Variants in TOX observed in about 807,000 individuals in gnomAD.
TOX encodes the protein thymocyte selection-associated high mobility group box protein TOX.
Under a neutral mutation model 53.7 loss-of-function variants are expected in TOX, and 11 were observed. The observed-to-expected ratio is 0.20, with a 90% CI of 0.13 to 0.34. The LOEUF is 0.34. Among genes scored for constraint, TOX ranks in the 10% least tolerant of loss-of-function variants. TOX has a pLI of 1.00. For missense variants in TOX, 570 were observed against 664.6 expected (o/e 0.86, Z 1.56); for synonymous variants, 225 against 245.3 (o/e 0.92, Z 0.77).
Position 58,956,993 on chromosome 8 carries a change from G to A in TOX, c.168+2950C>T, listed in dbSNP as rs531502329. 3.3e-5 allele frequency among the ~76,000 whole-genome samples: 5 copies of A among 152,296 alleles called. No homozygotes were observed. In the South Asian group the frequency reaches 1.0e-3, roughly 32 times the overall value. ...TGTTCATCCTACATATCACTACTTTGTATCCTTCTGGTCTAGATATTGTCA... is the reference window on the plus strand; with the variant it reads ...TGTTCATCCTACATATCACTACTTTATATCCTTCTGGTCTAGATATTGTCA... On this transcript the variant is annotated intron_variant, in intron 2 of 8. Transcript: ENST00000361421.
At chr8:59,110,975 A>C (rs1755449144) in intron 1 of TOX, among the ~76,000 whole-genome samples, 1 of 152,170 alleles carries the variant, frequency 6.6e-6, no homozygotes, top group Admixed American at 6.5e-5. Context: ...ATCTTTCACC[A>C]CAAGATTTGA....
Position 58,849,965 on chromosome 8 carries a change from A to G in TOX, c.693+1559T>C, listed in dbSNP as rs1315571613. Among the ~76,000 whole-genome samples the G allele has an allele frequency of 2.0e-5, 3 of 152,182 alleles. No individual in the cohort carries two copies. The East Asian group carries it at 5.8e-4, about 29-fold the overall frequency. ...TAACAGCCAATGAGTACCTGGAGCC[A>G]TTGGAATAACCTGTATTTTCTGAAG... is the stretch of plus-strand genomic sequence containing the variant. On this transcript the variant is annotated intron_variant, in intron 4 of 8. Transcript: ENST00000361421.
intron 3 of TOX, among the ~76,000 whole-genome samples, chr8:58,892,501 G>A (rs1397402934): frequency 1.3e-5 from 2 of 152,150 alleles, no homozygotes; most frequent in African/African-American, 4.8e-5. Flanking sequence ...TTGTATGAAG[G>A]ATGTTACCAA....
At chr8:59,023,660 C>T (rs991145713) in intron 1 of TOX, among the ~76,000 whole-genome samples, 2 of 152,122 alleles carry the variant, frequency 1.3e-5, no homozygotes, top group African/African-American at 4.8e-5. Context: ...AAATGCCAAC[C>T]CAACTTATTT....
chr8:58,921,763 T>C (rs1812080187), intron 3 of TOX, among the ~76,000 whole-genome samples: 1 of 152,256 alleles, frequency 6.6e-6, no homozygotes, highest in South Asian at 2.1e-4. Flanking sequence ...TTGTTTTTCA[T>C]TATTAAAGTA....
At chr8:58,825,589 TCTGA>T (rs541753719) in intron 6 of TOX, among the ~76,000 whole-genome samples, 28 of 152,200 alleles carry the variant, frequency 1.8e-4, no homozygotes, top group Admixed American at 5.9e-4. Context: ...TGTAAAGTGC[TCTGA>T]CTAAAACTCT....
Position 58,986,987 on chromosome 8 carries a change from T to A in TOX, c.103-26979A>T, listed in dbSNP as rs1194818457. Among the ~76,000 whole-genome samples the A allele has an allele frequency of 3.3e-5, 5 of 152,358 alleles. No individual in the cohort carries two copies. In the East Asian group the frequency reaches 9.6e-4, roughly 29 times the overall value. ...GAGTAAAGCCTAAATTAGAAACGCC[T>A]AGTCTGAATTTCATTACCTTCTTTA... On this transcript the variant is annotated intron_variant, in intron 1 of 8. Coordinates refer to ENST00000361421, the MANE Select transcript of TOX (RefSeq NM_014729.3).
At chr8:58,884,954 T>C (rs921301050) in intron 3 of TOX, among the ~76,000 whole-genome samples, 2 of 152,152 alleles carry the variant, frequency 1.3e-5, no homozygotes, top group Admixed American at 6.6e-5. Context: ...GGTTGAAAAG[T>C]TTATTTTCAA....
rs543801232 is a variant in TOX, at chr8:58,932,739, T to C, written c.411+6563A>G. ...GCTCTAATACATCTGAATTCCTTGATGTGCGGCACTCCCTATAGGCCTGAA... is the reference window on the plus strand; with the variant it reads ...GCTCTAATACATCTGAATTCCTTGACGTGCGGCACTCCCTATAGGCCTGAA... On this transcript the variant is annotated intron_variant, in intron 3 of 8. Transcript: ENST00000361421. 7.2e-5 allele frequency among the ~76,000 whole-genome samples: 11 copies of C among 152,292 alleles called. No individual in the cohort carries two copies. In the South Asian group the frequency reaches 8.3e-4, roughly 11 times the overall value.
intron 4 of TOX, among the ~76,000 whole-genome samples, chr8:58,843,706 T>C (rs1810680481): frequency 6.6e-6 from 1 of 152,188 alleles, no homozygotes; most frequent in African/African-American, 2.4e-5. Flanking sequence ...TGTCCCCTGA[T>C]CTGTGGGGAT....
intron 3 of TOX, among the ~76,000 whole-genome samples, chr8:58,855,812 C>CT (rs1025663982): frequency 6.6e-6 from 1 of 152,154 alleles, no homozygotes; most frequent in African/African-American, 2.4e-5. Flanking sequence ...CCAATTGCTC[C>CT]TTTTTTACCT....
In TOX at chr8:58,933,668, G is replaced by C. The variant is rs142133835; in HGVS notation, c.411+5634C>G. 1.4e-3 allele frequency among the ~76,000 whole-genome samples: 206 copies of C among 152,228 alleles called. 1 individual carries two copies. Among genetic ancestry groups the C allele is most frequent in the African/African-American group, 4.9e-3 (203 of 41,544 alleles). ...CAAACCCGGTGAGTCTCAAAGTCTA[G>C]ATCAAAGTTGTGTGGTTGACAGAAA... On this transcript the variant is annotated intron_variant, in intron 3 of 8. Coordinates refer to ENST00000361421, the MANE Select transcript of TOX (RefSeq NM_014729.3).
In TOX at chr8:58,826,849, T is replaced by C. The variant is rs754305834; in HGVS notation, c.978A>G (p.Ala326=). The C allele has an allele frequency of 1.9e-6, 3 of 1,612,130 alleles. No individual in the cohort carries two copies. The highest frequency in any genetic ancestry group is 2.5e-6 in the Non-Finnish European group (3 of 1,179,252). The change falls in exon 6 of 9, where the codon GCA becomes GCG. Residue 326 remains alanine, a synonymous_variant. Transcript: ENST00000361421. Reference sequence around the variant, plus strand: ...TGGATACAAGGCTGGCTCTGTATGCTGCGAGTTGCTTCAGGTACTCCTTCT... The same window carrying C: ...TGGATACAAGGCTGGCTCTGTATGCCGCGAGTTGCTTCAGGTACTCCTTCT... ...AAKKEYLKQL[A]AYRASLVSKS... is the part of the protein sequence containing the mutation.
intron 1 of TOX, among the ~76,000 whole-genome samples, chr8:59,027,720 C>T (rs1400847628): frequency 6.6e-6 from 1 of 152,062 alleles, no homozygotes; most frequent in Non-Finnish European, 1.5e-5. Flanking sequence ...TGAGATTGGT[C>T]CATTGCCCAG....
Position 58,807,661 on chromosome 8 carries a change from T to C in TOX, c.*86A>G, listed in dbSNP as rs1162397692. ...TAGCAACTTGTATTTTCTAATAAAATGGAGAACTGCCTTGACTGTACAAAG... is the reference window on the plus strand; with the variant it reads ...TAGCAACTTGTATTTTCTAATAAAACGGAGAACTGCCTTGACTGTACAAAG... On this transcript the variant is annotated 3_prime_UTR_variant, in exon 9 of 9. Transcript: ENST00000361421. 1 of 1,505,670 alleles carries C rather than the reference T, an allele frequency of 6.6e-7. No homozygotes were observed. The highest frequency in any genetic ancestry group is 9.2e-7 in the Non-Finnish European group (1 of 1,088,274). The allele number at this position is 1,505,670 out of a possible 1,614,324, so 93.3% of individuals were successfully genotyped here. A position where few individuals can be genotyped will look rare whatever the true frequency, so the allele number is the denominator to read the frequency against.
At chr8:59,030,516 C>T (rs150364830) in intron 1 of TOX, among the ~76,000 whole-genome samples, 101 of 152,264 alleles carry the variant, frequency 6.6e-4, no homozygotes, top group African/African-American at 2.1e-3. Context: ...CATACGCGCT[C>T]GTTTGCTGCT....
intron 2 of TOX, among the ~76,000 whole-genome samples, chr8:58,950,647 C>G (rs1812606599): frequency 6.6e-6 from 1 of 152,152 alleles, no homozygotes; most frequent in Admixed American, 6.6e-5. Flanking sequence ...GATAAGAACC[C>G]TCGATGTTCA....
intron 3 of TOX, among the ~76,000 whole-genome samples, chr8:58,932,854 A>C (rs1563393250): frequency 1.3e-5 from 2 of 152,196 alleles, no homozygotes; most frequent in African/African-American, 2.4e-5. Context: ...CTTTGAATGC[A>C]AAGTGTACCA....
intron 3 of TOX, among the ~76,000 whole-genome samples, chr8:58,935,219 T>G (rs28550650): frequency 0.013 from 1,996 of 152,186 alleles, 57 homozygotes; most frequent in African/African-American, 0.046. Context: ...ATCTCATAAT[T>G]CATATATAAA....
Sources: allele counts gnomAD v4.1 joint callset (sites outside exome capture counted in the v4.1 genomes callset), GRCh38; gene constraint gnomAD v4.1.1; transcripts MANE v1.5; gene names NCBI Gene and HGNC (gene_info 2026-07-23, HGNC 2026-07-21).